Variants in SV2C observed in about 807,000 individuals in gnomAD.
SV2C encodes the protein solute carrier family 22 member B3.
A neutral mutation model predicts 79.7 loss-of-function variants in SV2C; 49 were observed. The observed-to-expected ratio is 0.61, with a 90% CI of 0.49 to 0.78. The LOEUF is 0.78. SV2C is among the 30% of genes least tolerant of loss of function. The probability of loss-of-function intolerance (pLI) is 0.00; values close to 1 mark genes in which losing one functional copy is unlikely to be tolerated. For missense variants in SV2C, 833 were observed against 912.9 expected, an observed-to-expected ratio of 0.91 and a Z score of 1.13; for synonymous variants, 334 against 333.2, an observed-to-expected ratio of 1.00 and a Z score of -0.03.
intron 12 of SV2C, among the ~76,000 whole-genome samples, chr5:76,346,681 C>A (rs1749550626): frequency 6.6e-6 from 1 of 152,206 alleles, no homozygotes. Context: ...ATTGTATTCC[C>A]AGGGCCTTGG....
the SV2C span, among the ~76,000 whole-genome samples, chr5:75,998,004 T>C: frequency 6.6e-6 from 1 of 152,052 alleles, no homozygotes; most frequent in Non-Finnish European, 1.5e-5. Context: ...TGGAATACTA[T>C]GCAGCCATAA....
chr5:76,088,989 T>C (rs1163488507), intron 1 of SV2C, among the ~76,000 whole-genome samples: 1 of 152,174 alleles, frequency 6.6e-6, no homozygotes, highest in Non-Finnish European at 1.5e-5. Context: ...AATGACCTGT[T>C]GGAGAAAAAC....
At chr5:76,255,053 T>G (rs1011805004) in intron 4 of SV2C, among the ~76,000 whole-genome samples, 12 of 152,198 alleles carry the variant, frequency 7.9e-5, no homozygotes, top group African/African-American at 2.9e-4. Flanking sequence ...AACCTAAGAT[T>G]TTGAGCTTTT....
At chr5:76,029,221 T>C in the SV2C span, among the ~76,000 whole-genome samples, 1 of 152,222 alleles carries the variant, frequency 6.6e-6, no homozygotes, top group African/African-American at 2.4e-5. Context: ...ACACAGTTAT[T>C]TTTCTGGTGA....
chr5:75,932,946 G>A, the SV2C span, among the ~76,000 whole-genome samples: 1 of 152,158 alleles, frequency 6.6e-6, no homozygotes, highest in African/African-American at 2.4e-5. Flanking sequence ...ATAATACGCT[G>A]TATCATCTGG....
At chr5:76,088,004 G>A (rs1327839195) in intron 1 of SV2C, among the ~76,000 whole-genome samples, 1 of 152,196 alleles carries the variant, frequency 6.6e-6, no homozygotes, top group Non-Finnish European at 1.5e-5. Context: ...GAAAACCTTT[G>A]CATGGCCTTC....
chr5:76,339,161 G>GA (rs1456640796), intron 12 of SV2C, among the ~76,000 whole-genome samples: 2 of 152,144 alleles, frequency 1.3e-5, no homozygotes, highest in Admixed American at 1.3e-4. Flanking sequence ...ACTAGAATGA[G>GA]AAAAGAGGTC....
At chr5:75,945,531 C>T in the SV2C span, among the ~76,000 whole-genome samples, 1 of 151,762 alleles carries the variant, frequency 6.6e-6, no homozygotes, top group East Asian at 1.9e-4. Context: ...GTTGCTCAGG[C>T]TGGTCTCAAA....
At chr5:76,351,870 C>T (rs575530530) in intron 12 of SV2C, among the ~76,000 whole-genome samples, 2 of 152,238 alleles carry the variant, frequency 1.3e-5, no homozygotes, top group Middle Eastern at 6.8e-3. Context: ...TCATTTAGAG[C>T]ATCATCATCA....
intron 3 of SV2C, among the ~76,000 whole-genome samples, chr5:76,202,076 T>C (rs1165611242): frequency 6.6e-6 from 1 of 151,692 alleles, no homozygotes; most frequent in Non-Finnish European, 1.5e-5. Context: ...GATTATTGCT[T>C]CCAAATATTC....
chr5:76,346,942 G>T (rs968290572), intron 12 of SV2C, among the ~76,000 whole-genome samples: 1 of 152,132 alleles, frequency 6.6e-6, no homozygotes, highest in African/African-American at 2.4e-5. Flanking sequence ...CCCTTCCACC[G>T]TGCATCTTTC....
the SV2C span, among the ~76,000 whole-genome samples, chr5:75,933,018 G>T: frequency 6.6e-6 from 1 of 152,156 alleles, no homozygotes; most frequent in African/African-American, 2.4e-5. Flanking sequence ...TGGGTCTGCA[G>T]TTTATTTGCA....
At chr5:76,034,506 T>C in the SV2C span, among the ~76,000 whole-genome samples, 4 of 152,328 alleles carry the variant, frequency 2.6e-5, no homozygotes, top group South Asian at 8.3e-4. Context: ...GTTGAGATAA[T>C]CATGTGGTTT....
intron 3 of SV2C, among the ~76,000 whole-genome samples, chr5:76,200,328 G>A (rs1744401782): frequency 6.6e-6 from 1 of 152,198 alleles, no homozygotes; most frequent in South Asian, 2.1e-4. Flanking sequence ...CATTTACTAG[G>A]AATTTTAGAA....
the SV2C span, among the ~76,000 whole-genome samples, chr5:76,014,684 ACACC>A: frequency 2.0e-5 from 3 of 152,064 alleles, no homozygotes; most frequent in African/African-American, 7.2e-5. Context: ...GGACACACAC[ACACC>A]CCCTAACATA....
At chr5:76,208,701 A>AATCTGAAC (rs1434013656) in intron 3 of SV2C, among the ~76,000 whole-genome samples, 1 of 152,226 alleles carries the variant, frequency 6.6e-6, no homozygotes, top group Admixed American at 6.5e-5. Flanking sequence ...ACCTTACAGA[A>AATCTGAAC]ATCTGAACAA....
chr5:76,082,649 T>G, upstream of SV2C, among the ~76,000 whole-genome samples: 1 of 137,466 alleles, frequency 7.3e-6, no homozygotes, highest in Non-Finnish European at 1.6e-5. Context: ...CCCCCCCTCA[T>G]ATTTGGTTGT....
chr5:76,065,414 A>G, the SV2C span, among the ~76,000 whole-genome samples: 1 of 152,212 alleles, frequency 6.6e-6, no homozygotes, highest in African/African-American at 2.4e-5. Flanking sequence ...AAGACATGGG[A>G]AAAACACATT....
chr5:76,074,461 C>A, the SV2C span, among the ~76,000 whole-genome samples: 17 of 152,132 alleles, frequency 1.1e-4, no homozygotes. Context: ...TAGGAACAAA[C>A]AACATAGAGA....
Sources: gnomAD v4.1 joint callset for allele counts (sites outside exome capture counted in the v4.1 genomes callset) on GRCh38, gnomAD v4.1.1 for gene constraint, MANE v1.5 for transcripts, NCBI Gene and HGNC (gene_info 2026-07-23, HGNC 2026-07-21) for gene names.